Variants in ADSS1 observed in about 807,000 individuals in gnomAD.
ADSS1 encodes adenylosuccinate synthase 1.
ADSS1 carries 57 observed loss-of-function variants against 59.1 expected under a neutral mutation model. That is an observed-to-expected ratio of 0.97 (90% CI 0.78 to 1.20). ADSS1 has a LOEUF of 1.20. ADSS1 is among the 50% of genes most tolerant of loss of function. The pLI is 0.00. For synonymous variants in ADSS1, 247 were observed against 249.4 expected, an observed-to-expected ratio of 0.99 and a Z score of 0.09; for missense variants, 603 against 610.3, an observed-to-expected ratio of 0.99 and a Z score of 0.13.
chr14:104,746,389 G>A lies in ADSS1; in HGVS notation c.1321+4G>A, dbSNP rs772050907. Reference sequence around the variant, plus strand: ...GAGAATCACGTGGGAGTCGCAGGTGGGTGCCCTGCATCCCCAGCCACCCTC... The same window carrying A: ...GAGAATCACGTGGGAGTCGCAGGTGAGTGCCCTGCATCCCCAGCCACCCTC... On this transcript the variant is annotated splice_donor_region_variant and intron_variant, in intron 12 of 12. Transcript: ENST00000330877. The A allele has an allele frequency of 1.9e-6, 3 of 1,609,190 alleles. No individual in the cohort carries two copies.
rs1476496168 is a variant in ADSS1, at chr14:104,724,325, CG to C, written c.60del (p.Arg21GlyfsTer13). 8.1e-7 allele frequency: 1 copy of C among 1,238,868 alleles called. No homozygotes were observed. The allele number at this position is 1,238,868 out of a possible 1,614,324, so 76.7% of individuals were successfully genotyped here. A position where few individuals can be genotyped will look rare whatever the true frequency, so the allele number is the denominator to read the frequency against. On this transcript the variant is annotated frameshift_variant, in exon 1 of 13. Transcript: ENST00000330877. LOFTEE classifies it high-confidence loss of function. ...GCCCCCCGGCGCAGGCGGCGTCAAG[CG>C]GGGGCGGCTGCAGCAGGAGGCGGCG... is the stretch of plus-strand genomic sequence containing the variant. Reference protein sequence around the residue: ...DRPPGAGGVKRGRLQQEAAAT... With the variant: ...DRPPGAGGVKXGRLQQEAAAT...
rs759144419 is a variant in ADSS1, at chr14:104,741,221, C to T, written c.771C>T (p.Ala257=). 24 of 1,602,946 alleles carry T rather than the reference C, an allele frequency of 1.5e-5. No individual in the cohort carries two copies. Among genetic ancestry groups the T allele is most frequent in the South Asian group, 8.9e-5 (8 of 89,936 alleles). Residue 257 remains alanine (A), a synonymous_variant, in exon 8 of 13, where the codon GCC becomes GCT. Coordinates refer to ENST00000330877, the MANE Select transcript of ADSS1 (RefSeq NM_152328.5). The part of the protein sequence containing the change: ...PKKILVEGAN[A]ALLDIDFGTY... ...AGATCCTGGTGGAGGGTGCCAACGC[C>T]GCCCTCCTCGACATTGACTTCGGTA...
intron 2 of ADSS1, among the ~76,000 whole-genome samples, chr14:104,735,466 C>T (rs749186020): frequency 6.6e-6 from 1 of 152,204 alleles, no homozygotes; most frequent in African/African-American, 2.4e-5. Flanking sequence ...CCCATGTGCC[C>T]GTGACTCCAT....
At chr14:104,727,540 T>C (rs1439629712) in intron 1 of ADSS1, among the ~76,000 whole-genome samples, 1 of 152,156 alleles carries the variant, frequency 6.6e-6, no homozygotes. Flanking sequence ...CTGTCTGTGC[T>C]GGGGTCCTGT....
chr14:104,735,510 A>G (rs1891087873), intron 2 of ADSS1, among the ~76,000 whole-genome samples: 1 of 152,200 alleles, frequency 6.6e-6, no homozygotes, highest in Non-Finnish European at 1.5e-5. Context: ...TGCTTGCGAC[A>G]GGCCTGGCTT....
intron 1 of ADSS1, among the ~76,000 whole-genome samples, chr14:104,727,646 G>A (rs1005737522): frequency 6.6e-6 from 1 of 152,126 alleles, no homozygotes; most frequent in Non-Finnish European, 1.5e-5. Flanking sequence ...CGTCCATGGC[G>A]TTTCCTTCCC....
chr14:104,738,312 T>G, intron 2 of ADSS1, 64 bp from the exon 3 acceptor site: 1 of 1,570,506 alleles, frequency 6.4e-7, no homozygotes, highest in South Asian at 1.1e-5. Context: ...CATGCTGTTC[T>G]TAATGTATGT....
At chr14:104,739,573 G>T in intron 4 of ADSS1, 177 bp from the exon 5 acceptor site, 1 of 893,904 alleles carries the variant, frequency 1.1e-6, no homozygotes, top group Non-Finnish European at 1.7e-6. Flanking sequence ...TAGCCCATTT[G>T]CAGGTGGGGA....
chr14:104,747,100 C>A lies in ADSS1; in HGVS notation c.*97C>A. The stretch of plus-strand genomic sequence containing the variant: ...TCGGCCGCCACAACCAACACCAAAG[C>A]AGGAAAACCATTTTCTGTACTTTTA... On this transcript the variant is annotated 3_prime_UTR_variant, in exon 13 of 13. Transcript: ENST00000330877. 2 of 1,101,604 alleles carry A rather than the reference C, an allele frequency of 1.8e-6. No homozygotes were observed. The highest frequency in any genetic ancestry group is 2.6e-6 in the Non-Finnish European group (2 of 769,208). 68.2% of individuals were successfully genotyped at this position (1,101,604 alleles called of 1,614,324 possible).
intron 1 of ADSS1, among the ~76,000 whole-genome samples, chr14:104,728,031 G>A (rs1890769140): frequency 6.6e-6 from 1 of 152,236 alleles, no homozygotes; most frequent in Admixed American, 6.5e-5. Flanking sequence ...CGGGTGGAAA[G>A]CTATGGCCAT....
chr14:104,730,430 C>T (rs1296536185), intron 1 of ADSS1, among the ~76,000 whole-genome samples: 3 of 152,052 alleles, frequency 2.0e-5, no homozygotes, highest in Admixed American at 2.0e-4. Flanking sequence ...GCAGAGGTTG[C>T]AGTGAGCCAG....
chr14:104,735,466 C>G (rs749186020), intron 2 of ADSS1, among the ~76,000 whole-genome samples: 1 of 152,204 alleles, frequency 6.6e-6, no homozygotes, highest in African/African-American at 2.4e-5. Context: ...CCCATGTGCC[C>G]GTGACTCCAT....
rs758847601 is a variant in ADSS1 at position 104,743,123 on chromosome 14, G to C, written c.1005G>C (p.Arg335Ser). Reference sequence around the variant, plus strand: ...ACGAGTGGGGAGTGACCACAGGCAGGAAGAGGCGCTGCGGCTGGCTCGACC... The same window carrying C: ...ACGAGTGGGGAGTGACCACAGGCAGCAAGAGGCGCTGCGGCTGGCTCGACC... ...RGHEWGVTTG[R>S]KRRCGWLDLM... Residue 335 changes from arginine (R) to serine (S), a missense_variant, in exon 10 of 13, where the codon AGG (arginine) becomes AGC (serine). Arg to Ser is a moderately radical substitution (Grantham distance 110). Coordinates refer to ENST00000330877, the MANE Select transcript of ADSS1 (RefSeq NM_152328.5). 1.2e-6 allele frequency: 2 copies of C among 1,613,088 alleles called. No homozygotes were observed. Among genetic ancestry groups the C allele is most frequent in the Admixed American group, 3.3e-5 (2 of 60,012 alleles).
chr14:104,732,567 G>A lies in ADSS1; in HGVS notation c.193-2453G>A, dbSNP rs553586668. 9.2e-5 allele frequency among the ~76,000 whole-genome samples: 14 copies of A among 152,298 alleles called. No homozygotes were observed. The East Asian group carries it at 9.7e-4, about 11-fold the overall frequency. ...GACACCCACTGGCCTACGACAAGCC[G>A]CGCCTGTTCCTAGGAGCCTGTGTTT... On this transcript the variant is annotated intron_variant, in intron 1 of 12. Coordinates refer to ENST00000330877, the MANE Select transcript of ADSS1 (RefSeq NM_152328.5).
At chr14:104,744,401 C>A in intron 10 of ADSS1, 2 of 171,658 alleles carry the variant, frequency 1.2e-5, no homozygotes. Flanking sequence ...ACTTTTTTGG[C>A]ACCAGGGACC....
At chr14:104,725,297 T>C (rs1890687953) in intron 1 of ADSS1, among the ~76,000 whole-genome samples, 1 of 152,174 alleles carries the variant, frequency 6.6e-6, no homozygotes, top group Admixed American at 6.5e-5. Context: ...GGCAGCCAAG[T>C]CTGCTGCCCA....
At chr14:104,726,497 C>T (rs1242971428) in intron 1 of ADSS1, among the ~76,000 whole-genome samples, 1 of 152,220 alleles carries the variant, frequency 6.6e-6, no homozygotes, top group African/African-American at 2.4e-5. Flanking sequence ...CATCTCTCCT[C>T]CTAGCGGTGG....
chr14:104,741,218 C>T lies in ADSS1; in HGVS notation c.768C>T (p.Asn256=), dbSNP rs138449071. 2.8e-3 allele frequency: 4,513 copies of T among 1,605,066 alleles called. 51 individuals are homozygous for T. The highest frequency in any genetic ancestry group is 0.025 in the South Asian group (2,277 of 90,188). ...AGAAGATCCTGGTGGAGGGTGCCAA[C>T]GCCGCCCTCCTCGACATTGACTTCG... ...PPKKILVEGA[N]AALLDIDFGT... Residue 256 remains asparagine (N), a synonymous_variant, in exon 8 of 13, where the codon AAC becomes AAT. Coordinates refer to ENST00000330877, the MANE Select transcript of ADSS1 (RefSeq NM_152328.5).
intron 11 of ADSS1, 179 bp from the exon 12 acceptor site, chr14:104,746,057 C>A: frequency 1.4e-6 from 1 of 714,822 alleles, no homozygotes; most frequent in Non-Finnish European, 2.2e-6. Flanking sequence ...CTGCTGTCCC[C>A]TGCTTACCAC....
Sources: allele counts gnomAD v4.1 joint callset (sites outside exome capture counted in the v4.1 genomes callset), GRCh38; gene constraint gnomAD v4.1.1; transcripts MANE v1.5; gene names NCBI Gene and HGNC (gene_info 2026-07-23, HGNC 2026-07-21).